Variants in SGK2 observed in about 807,000 individuals in gnomAD.
SGK2 encodes the protein serine/threonine-protein kinase Sgk2.
In SGK2, 36 loss-of-function variants were observed where a neutral mutation model predicts 47.5. That is an observed-to-expected ratio of 0.76 (90% CI 0.58 to 1.00). SGK2 has a LOEUF of 1.00. Ranked by LOEUF, SGK2 falls within the 50% of genes least tolerant of loss-of-function variation. The probability of loss-of-function intolerance (pLI) is 0.00; values close to 1 mark genes in which losing one functional copy is unlikely to be tolerated. For synonymous variants in SGK2, 157 were observed against 181.9 expected, an observed-to-expected ratio of 0.86 and a Z score of 1.10; for missense variants, 404 against 467.4, an observed-to-expected ratio of 0.86 and a Z score of 1.25.
rs1980379168 is a variant in SGK2, at chr20:43,575,014, G to T, written c.693+10G>T. Reference sequence around the variant, plus strand: ...GATGCTCCATGGCCTGGTGAGTCAGGGGTAGCCATCTACAAGGGCCATCTG... The same window carrying T: ...GATGCTCCATGGCCTGGTGAGTCAGTGGTAGCCATCTACAAGGGCCATCTG... On this transcript the variant is annotated intron_variant, in intron 10 of 12. Transcript: ENST00000373100. 1.9e-6 allele frequency: 3 copies of T among 1,604,060 alleles called. No individual in the cohort carries two copies. The highest frequency in any genetic ancestry group is 2.2e-5 in the South Asian group (2 of 90,718).
intron 11 of SGK2, among the ~76,000 whole-genome samples, chr20:43,578,756 G>C (rs112803866): frequency 1.4e-3 from 217 of 152,210 alleles, no homozygotes; most frequent in Non-Finnish European, 7.9e-4. Context: ...ACTGTAAATC[G>C]TAACAACAGT....
At chr20:43,584,157 C>G (rs984629691) in intron 12 of SGK2, among the ~76,000 whole-genome samples, 4 of 152,052 alleles carry the variant, frequency 2.6e-5, no homozygotes, top group African/African-American at 9.7e-5. Context: ...TCATGAGCCT[C>G]TCATGCTCCA....
intron 1 of SGK2, among the ~76,000 whole-genome samples, chr20:43,561,482 T>C (rs1157535850): frequency 3.4e-5 from 5 of 148,842 alleles, no homozygotes; most frequent in African/African-American, 1.2e-4. Context: ...CTCTGCCTCC[T>C]GGGTTCAAGC....
At chr20:43,583,744 G>A (rs1980939352) in intron 12 of SGK2, 1 of 348,290 alleles carries the variant, frequency 2.9e-6, no homozygotes, top group Admixed American at 6.5e-5. Flanking sequence ...CGAGCTATTA[G>A]CATTGCTTGA....
intron 12 of SGK2, 150 bp from the exon 13 acceptor site, chr20:43,584,702 A>G (rs550508608): frequency 6.0e-6 from 4 of 664,980 alleles, no homozygotes; most frequent in Admixed American, 2.3e-5. Flanking sequence ...CAAATGATCA[A>G]TGTAAATGCA....
intron 1 of SGK2, among the ~76,000 whole-genome samples, chr20:43,561,317 A>G (rs925262664): frequency 2.7e-4 from 41 of 151,882 alleles, no homozygotes; most frequent in Non-Finnish European, 5.3e-4. Flanking sequence ...AGGGGAGTGG[A>G]AGCCAAGGAG....
chr20:43,560,839 C>T (rs1216419906), intron 1 of SGK2, among the ~76,000 whole-genome samples: 1 of 152,164 alleles, frequency 6.6e-6, no homozygotes, highest in African/African-American at 2.4e-5. Flanking sequence ...ATATTCCAGG[C>T]CCTGTGCTCA....
At chr20:43,577,420 C>T (rs1438956916) in intron 11 of SGK2, among the ~76,000 whole-genome samples, 6 of 147,122 alleles carry the variant, frequency 4.1e-5, no homozygotes, top group Non-Finnish European at 8.9e-5. Flanking sequence ...GGTGCAATCT[C>T]ATCTCACTGC....
At chr20:43,583,700 A>G in intron 12 of SGK2, 1 of 742,380 alleles carries the variant, frequency 1.3e-6, no homozygotes, top group Non-Finnish European at 1.6e-6. Flanking sequence ...TGGGCATGGT[A>G]GTTCATATCT....
intron 11 of SGK2, among the ~76,000 whole-genome samples, chr20:43,577,509 G>A (rs1375483253): frequency 6.6e-6 from 1 of 151,422 alleles, no homozygotes; most frequent in Admixed American, 6.6e-5. Flanking sequence ...CCGCCACCAC[G>A]CCCAGCTAAT....
At chr20:43,568,436 A>C (rs1979881928) in intron 5 of SGK2, among the ~76,000 whole-genome samples, 2 of 152,112 alleles carry the variant, frequency 1.3e-5, no homozygotes, top group African/African-American at 4.8e-5. Flanking sequence ...TCAGCCTCCC[A>C]AAGTGCTGGG....
At chr20:43,573,258 G>T (rs970894711) in intron 9 of SGK2, among the ~76,000 whole-genome samples, 3 of 152,218 alleles carry the variant, frequency 2.0e-5, no homozygotes, top group Non-Finnish European at 4.4e-5. Flanking sequence ...GTAGGCCGAG[G>T]CAGGCAGATC....
At chr20:43,561,386 A>AT (rs5841510) in intron 1 of SGK2, among the ~76,000 whole-genome samples, 1,289 of 112,380 alleles carry the variant, frequency 0.011, 15 homozygotes, top group Admixed American at 0.045. Context: ...GAGGCTTTGG[A>AT]TTTTTTTTTT....
At chr20:43,569,039 C>A (rs1055563778) in intron 5 of SGK2, among the ~76,000 whole-genome samples, 1 of 152,156 alleles carries the variant, frequency 6.6e-6, no homozygotes, top group Non-Finnish European at 1.5e-5. Flanking sequence ...TGAGCAAATA[C>A]ATGAATATGG....
intron 12 of SGK2, among the ~76,000 whole-genome samples, chr20:43,581,523 T>C (rs896821519): frequency 9.2e-5 from 14 of 152,088 alleles, no homozygotes; most frequent in African/African-American, 3.4e-4. Context: ...CCAATGCTAA[T>C]GTTTTTTAGA....
intron 11 of SGK2, among the ~76,000 whole-genome samples, chr20:43,577,375 C>T (rs1293544744): frequency 1.5e-5 from 2 of 135,246 alleles, no homozygotes; most frequent in Non-Finnish European, 3.1e-5. Flanking sequence ...TTTTCCGAGA[C>T]AGAGTCTTGC....
intron 1 of SGK2, among the ~76,000 whole-genome samples, chr20:43,564,579 A>G (rs1436158047): frequency 6.6e-6 from 1 of 152,178 alleles, no homozygotes; most frequent in Non-Finnish European, 1.5e-5. Context: ...CTATACACAC[A>G]TATTAATAGA....
chr20:43,571,094 TGTG>T lies in SGK2; in HGVS notation c.510+35_510+37del, dbSNP rs767309782. 6 of 1,609,590 alleles carry T rather than the reference TGTG, an allele frequency of 3.7e-6. No individual in the cohort carries two copies. In the South Asian group the frequency reaches 6.6e-5, roughly 18 times the overall value. On this transcript the variant is annotated intron_variant, in intron 8 of 12. Transcript: ENST00000373100. ...GTGTGTGTGTGTGTGTGTGTGTGTG[TGTG>T]TGTGTATGTGGTTGCACAGGTACAC...
chr20:43,580,035 C>T lies in SGK2; in HGVS notation c.913C>T (p.Leu305=), dbSNP rs891003647. 6.2e-7 allele frequency: 1 copy of T among 1,606,468 alleles called. No homozygotes were observed. The change falls in exon 12 of 13, where the codon CTA becomes TTA. Residue 305 remains leucine, a synonymous_variant. Coordinates refer to ENST00000373100, the MANE Select transcript of SGK2 (RefSeq NM_170693.3). ...CTGGGATGACCTGTACCACAAGAGG[C>T]TAACTCCACCCTTCAACCCAAATGT... The part of the protein sequence containing the change: ...INWDDLYHKR[L]TPPFNPNVTG...
Sources: allele counts gnomAD v4.1 joint callset (sites outside exome capture counted in the v4.1 genomes callset), GRCh38; gene constraint gnomAD v4.1.1; transcripts MANE v1.5; gene names NCBI Gene and HGNC (gene_info 2026-07-23, HGNC 2026-07-21).